Variants in JMJD1C observed in about 807,000 individuals in gnomAD.
The protein encoded by JMJD1C is jumonji domain containing 1C, also known as jumonji domain-containing protein 1C.
Under a neutral mutation model 245.3 loss-of-function variants are expected in JMJD1C, and 31 were observed. That is an observed-to-expected ratio of 0.13 (90% CI 0.09 to 0.17). The LOEUF is 0.17. Among genes scored for constraint, JMJD1C ranks in the 10% least tolerant of loss-of-function variants. The pLI, the probability that JMJD1C is intolerant of heterozygous loss-of-function variation, is 1.00. For missense variants in JMJD1C, 2,691 were observed against 3,000.2 expected (o/e 0.90, Z 2.41); for synonymous variants, 1,057 against 1,017.4 (o/e 1.04, Z -0.74).
At chr10:63,320,788 C>G (rs1336610392) in intron 2 of JMJD1C, among the ~76,000 whole-genome samples, 1 of 152,092 alleles carries the variant, frequency 6.6e-6, no homozygotes, top group African/African-American at 2.4e-5. Flanking sequence ...CACCGAGCTC[C>G]TAAATCCCTA....
intron 1 of JMJD1C, among the ~76,000 whole-genome samples, chr10:63,413,971 G>C (rs1330876677): frequency 6.7e-6 from 1 of 149,626 alleles, no homozygotes; most frequent in Non-Finnish European, 1.5e-5. Context: ...TTTCTTAAAA[G>C]TATGCTATCA....
intron 1 of JMJD1C, among the ~76,000 whole-genome samples, chr10:63,460,642 G>A (rs943828353): frequency 5.3e-5 from 8 of 152,066 alleles, no homozygotes; most frequent in Non-Finnish European, 1.2e-4. Flanking sequence ...TGCTAGGTAC[G>A]GTACTAAATA....
At chr10:63,366,534 C>T (rs1413472182) in intron 2 of JMJD1C, among the ~76,000 whole-genome samples, 3 of 152,134 alleles carry the variant, frequency 2.0e-5, no homozygotes, top group African/African-American at 7.2e-5. Flanking sequence ...GCAATGGTAT[C>T]GGAAGTGGGC....
At chr10:63,403,785 A>G (rs12264964) in intron 1 of JMJD1C, among the ~76,000 whole-genome samples, 22,710 of 152,162 alleles carry the variant, frequency 0.15, 3,976 homozygotes, top group African/African-American at 0.43. Flanking sequence ...AAAAAATACA[A>G]AAAGGCCGGG....
At chr10:63,498,248 A>C (rs1227803475) in intron 1 of JMJD1C, among the ~76,000 whole-genome samples, 1 of 152,206 alleles carries the variant, frequency 6.6e-6, no homozygotes, top group Non-Finnish European at 1.5e-5. Context: ...AGTCTGCATA[A>C]GAAGATGAAT....
At chr10:63,222,807 T>C (rs936519417) in intron 3 of JMJD1C, 97 of 1,450,212 alleles carry the variant, frequency 6.7e-5, no homozygotes, top group Non-Finnish European at 9.0e-5. Context: ...GAAAAATTAA[T>C]GATTGAGACA....
intron 3 of JMJD1C, among the ~76,000 whole-genome samples, chr10:63,229,219 G>T (rs920738299): frequency 6.6e-6 from 1 of 151,902 alleles, no homozygotes; most frequent in Non-Finnish European, 1.5e-5. Context: ...AAAGCAAGGG[G>T]TAATTAAGTC....
At position 63,168,535 on chromosome 10, in the gene JMJD1C, G is replaced by A. The variant is rs758211612; in HGVS notation, c.7433C>T (p.Thr2478Ile). ...VQNFHSCIQVTEDFVSPEHLV... is the reference protein window; with the variant it reads ...VQNFHSCIQVIEDFVSPEHLV... ...ATGTTCTGGAGACACAAAATCTTCA[G>A]TTACCTGAATACAGCTGTGAAAATT... Residue 2478 changes from threonine (T) to isoleucine (I), a missense_variant, in exon 25 of 26, where the codon ACT becomes ATT. This residue lies in a region of JMJD1C where 232 missense variants were observed against 416.1 expected (regional missense o/e 0.56). Coordinates refer to ENST00000399262, the MANE Select transcript of JMJD1C (RefSeq NM_032776.3). 42 of 1,607,920 alleles carry A rather than the reference G, an allele frequency of 2.6e-5. 1 individual carries two copies. The South Asian group carries it at 4.4e-4, about 17-fold the overall frequency.
At chr10:63,371,493 T>C (rs1380479564) in intron 2 of JMJD1C, among the ~76,000 whole-genome samples, 1 of 152,224 alleles carries the variant, frequency 6.6e-6, no homozygotes, top group Non-Finnish European at 1.5e-5. Context: ...TAAACATCTT[T>C]CTTCTAATAA....
intron 2 of JMJD1C, among the ~76,000 whole-genome samples, chr10:63,326,725 C>T (rs1941564808): frequency 6.6e-6 from 1 of 152,094 alleles, no homozygotes; most frequent in African/African-American, 2.4e-5. Context: ...ACTAAAAATA[C>T]AAAATCAGCC....
chr10:63,497,799 A>G (rs1298909244), intron 1 of JMJD1C, among the ~76,000 whole-genome samples: 1 of 152,188 alleles, frequency 6.6e-6, no homozygotes, highest in East Asian at 1.9e-4. Flanking sequence ...AAAAAACCCT[A>G]AGTACCTGGG....
chr10:63,488,350 T>C (rs1240254743), intron 1 of JMJD1C, among the ~76,000 whole-genome samples: 1 of 152,216 alleles, frequency 6.6e-6, no homozygotes, highest in East Asian at 1.9e-4. Flanking sequence ...TAAATATTTT[T>C]AAAATATCAA....
intron 1 of JMJD1C, among the ~76,000 whole-genome samples, chr10:63,431,165 G>T (rs141801200): frequency 6.6e-6 from 1 of 152,158 alleles, no homozygotes; most frequent in Non-Finnish European, 1.5e-5. Context: ...GTGAAAGGAG[G>T]AAATGACAGA....
At chr10:63,191,155 G>T in intron 16 of JMJD1C, 47 bp from the exon 17 acceptor site, 10 of 1,459,244 alleles carry the variant, frequency 6.9e-6, no homozygotes, top group African/African-American at 1.4e-5. Flanking sequence ...GTTTTGAGAC[G>T]GAGTCTCATT....
intron 1 of JMJD1C, among the ~76,000 whole-genome samples, chr10:63,398,386 AT>A (rs1948638060): frequency 6.6e-6 from 1 of 152,042 alleles, no homozygotes; most frequent in Non-Finnish European, 1.5e-5. Context: ...ATTCTGTGGC[AT>A]TTTAAAATAT....
At chr10:63,246,178 T>A (rs1048865854) in intron 3 of JMJD1C, among the ~76,000 whole-genome samples, 2 of 152,136 alleles carry the variant, frequency 1.3e-5, no homozygotes, top group African/African-American at 4.8e-5. Context: ...CAGAAAACTT[T>A]TCAAAACTTG....
At chr10:63,283,507 C>T (rs1857636934) in intron 2 of JMJD1C, among the ~76,000 whole-genome samples, 1 of 152,014 alleles carries the variant, frequency 6.6e-6, no homozygotes, top group South Asian at 2.1e-4. Context: ...GCTGGGATTA[C>T]AGGCGCCCGC....
intron 2 of JMJD1C, among the ~76,000 whole-genome samples, chr10:63,323,725 C>A (rs1405953743): frequency 6.6e-6 from 1 of 152,166 alleles, no homozygotes; most frequent in East Asian, 1.9e-4. Flanking sequence ...CTTGTGCATT[C>A]TCTCAATCTT....
At chr10:63,515,819 T>C (rs1955000294) in intron 1 of JMJD1C, among the ~76,000 whole-genome samples, 1 of 152,220 alleles carries the variant, frequency 6.6e-6, no homozygotes, top group African/African-American at 2.4e-5. Context: ...TAAGAGTGCT[T>C]TGTATATGAA....
Sources: allele counts gnomAD v4.1 joint callset (sites outside exome capture counted in the v4.1 genomes callset), GRCh38; gene constraint gnomAD v4.1.1; regional missense constraint gnomAD v4.1.1; transcripts MANE v1.5; gene names NCBI Gene and HGNC (gene_info 2026-07-23, HGNC 2026-07-21).